The following CP variants were observed in gnomAD, a reference collection of about 807,000 sequenced individuals.
CP encodes the protein ceruloplasmin.
Under a neutral mutation model 122.4 loss-of-function variants are expected in CP, and 64 were observed. The observed-to-expected ratio is 0.52, with a 90% confidence interval of 0.43 to 0.64. The LOEUF is 0.64. CP is among the 30% of genes least tolerant of loss of function. The pLI, the probability that CP is intolerant of heterozygous loss-of-function variation, is 0.00. For synonymous variants in CP, 440 were observed against 436.4 expected, an observed-to-expected ratio of 1.01 and a Z score of -0.10; for missense variants, 1,167 against 1,284.4, an observed-to-expected ratio of 0.91 and a Z score of 1.40.
intron 1 of CP, among the ~76,000 whole-genome samples, chr3:149,215,567 T>C (rs1315078687): frequency 6.6e-6 from 1 of 152,262 alleles, no homozygotes; most frequent in Non-Finnish European, 1.5e-5. Flanking sequence ...GAAAATATTT[T>C]ACACTGTGTG....
At chr3:149,177,002 T>A (rs778516026) in intron 17 of CP, among the ~76,000 whole-genome samples, 1 of 152,190 alleles carries the variant, frequency 6.6e-6, no homozygotes, top group Non-Finnish European at 1.5e-5. Flanking sequence ...TGCAGTATGC[T>A]TTTTGATAAC....
intron 11 of CP, chr3:149,185,931 A>C: frequency 5.8e-6 from 1 of 173,210 alleles, no homozygotes; most frequent in Non-Finnish European, 1.2e-5. Flanking sequence ...AAGGAAGGAA[A>C]GCGTGACACT....
chr3:149,166,585 T>C (rs1724436667), intron 4 of CP, among the ~76,000 whole-genome samples: 1 of 152,250 alleles, frequency 6.6e-6, no homozygotes, highest in Non-Finnish European at 1.5e-5. Flanking sequence ...GATGGCTGTG[T>C]AATGTTCCAT....
chr3:149,182,747 A>G (rs1292069580), intron 13 of CP, among the ~76,000 whole-genome samples: 1 of 152,082 alleles, frequency 6.6e-6, no homozygotes, highest in African/African-American at 2.4e-5. Context: ...GTTGTAATTA[A>G]TTTCCTTTTG....
chr3:149,180,299 A>G (rs16861590), intron 14 of CP, among the ~76,000 whole-genome samples: 2,458 of 152,242 alleles, frequency 0.016, 64 homozygotes, highest in African/African-American at 0.056. Context: ...TCCCACATAC[A>G]GGACATAACC....
intron 15 of CP, among the ~76,000 whole-genome samples, chr3:149,179,163 T>C (rs1244937290): frequency 6.6e-6 from 1 of 152,078 alleles, no homozygotes; most frequent in Admixed American, 6.5e-5. Flanking sequence ...ACAGTAGAGG[T>C]CCTTGAAATT....
intron 18 of CP, among the ~76,000 whole-genome samples, chr3:149,174,439 A>G (rs530844315): frequency 2.2e-4 from 33 of 152,308 alleles, no homozygotes; most frequent in Admixed American, 9.8e-4. Context: ...GAGGGTGAGC[A>G]TGAGAGGGAG....
At position 149,184,738 on chromosome 3, in the gene CP, A is replaced by G. The variant is rs995942869; in HGVS notation, c.2285+501T>C. ...GACATGTTACTGGTAATTTTGTGCC[A>G]TATTTTCCTGTAAGTTCTTAGAGGA... On this transcript the variant is annotated intron_variant, in intron 12 of 18. Coordinates refer to ENST00000264613, the MANE Select transcript of CP (RefSeq NM_000096.4). 2.6e-5 allele frequency among the ~76,000 whole-genome samples: 4 copies of G among 152,216 alleles called. No individual in the cohort carries two copies. In the East Asian group the frequency reaches 5.8e-4, roughly 22 times the overall value.
At chr3:149,184,242 A>G (rs964368071) in intron 12 of CP, among the ~76,000 whole-genome samples, 9 of 151,596 alleles carry the variant, frequency 5.9e-5, no homozygotes, top group Non-Finnish European at 1.2e-4. Flanking sequence ...TCACCATGTT[A>G]GCCAGGATGG....
chr3:149,173,903 A>G lies in CP; in HGVS notation c.3182-173T>C, dbSNP rs1455385238. ...CTCATTCTATTGCTGCTTTATTTAAAGAAAGATTACTTTCTTCCCTACAAG... is the reference window on the plus strand; with the variant it reads ...CTCATTCTATTGCTGCTTTATTTAAGGAAAGATTACTTTCTTCCCTACAAG... On this transcript the variant is annotated intron_variant, in intron 18 of 18. Transcript: ENST00000264613. 2.6e-5 allele frequency among the ~76,000 whole-genome samples: 4 copies of G among 152,148 alleles called. No individual in the cohort carries two copies. In the East Asian group the frequency reaches 5.8e-4, roughly 22 times the overall value.
chr3:149,197,865 C>G (rs1727003218), intron 9 of CP, among the ~76,000 whole-genome samples: 1 of 152,202 alleles, frequency 6.6e-6, no homozygotes, highest in Non-Finnish European at 1.5e-5. Context: ...CTGCTCACTT[C>G]CTGCTGTGCA....
Position 149,182,039 on chromosome 3 carries a change from T to G in CP, c.2520A>C (p.Gln840His). 1 of 1,484,434 alleles carries G rather than the reference T, an allele frequency of 6.7e-7. No homozygotes were observed. Among genetic ancestry groups the G allele is most frequent in the Non-Finnish European group, 9.1e-7 (1 of 1,101,588 alleles). 92.0% of individuals were successfully genotyped at this position (1,484,434 alleles called of 1,614,324 possible). A position where few individuals can be genotyped will look rare whatever the true frequency, so the allele number is the denominator to read the frequency against. ...RPYSIHAHGV[Q>H]TESSTVTPTL... is the part of the protein sequence containing the mutation. ...TTGGAGTAACTGTAGAACTCTCTGT[T>G]TGTACCCCATGGGCATGTATTGAGT... The change falls in exon 14 of 19, where the codon CAA becomes CAC. Residue 840 changes from glutamine to histidine, a missense_variant. By Grantham distance (24) the Gln-to-His change is conservative. This residue lies in a region of CP where 525 missense variants were observed against 657.2 expected (regional missense o/e 0.80). Coordinates refer to ENST00000264613, the MANE Select transcript of CP (RefSeq NM_000096.4).
intron 4 of CP, among the ~76,000 whole-genome samples, chr3:149,207,940 T>C (rs537240447): frequency 6.6e-6 from 1 of 152,284 alleles, no homozygotes; most frequent in South Asian, 2.1e-4. Flanking sequence ...TATACATACA[T>C]ATAAACAAAA....
At chr3:149,201,158 C>A (rs867799958) in intron 7 of CP, among the ~76,000 whole-genome samples, 1 of 152,198 alleles carries the variant, frequency 6.6e-6, no homozygotes, top group Non-Finnish European at 1.5e-5. Context: ...GAGTCTCGCT[C>A]TGTCACCCAG....
intron 13 of CP, among the ~76,000 whole-genome samples, chr3:149,182,554 CA>C (rs1178938687): frequency 1.3e-5 from 2 of 152,046 alleles, no homozygotes; most frequent in African/African-American, 4.8e-5. Context: ...GGAATGCTGA[CA>C]GTATGGGAAC....
intron 4 of CP, chr3:149,167,356 T>G (rs1337702850): frequency 2.9e-5 from 23 of 793,432 alleles, no homozygotes; most frequent in Non-Finnish European, 4.9e-5. Context: ...CATAAGGCTG[T>G]GTGGGTCCAT....
intron 6 of CP, among the ~76,000 whole-genome samples, chr3:149,205,396 GC>G (rs1020878183): frequency 1.3e-5 from 2 of 149,312 alleles, no homozygotes; most frequent in African/African-American, 4.9e-5. Flanking sequence ...AGCTGGATAT[GC>G]AAAATAATTA....
downstream of CP, chr3:149,172,091 A>G (rs761374962): frequency 6.2e-7 from 1 of 1,612,800 alleles, no homozygotes; most frequent in Middle Eastern, 1.7e-4. Flanking sequence ...TCTTTTCTAC[A>G]CAGAAACATT....
intron 10 of CP, 106 bp downstream of exon 10, chr3:149,187,946 G>A (rs1726280579): frequency 2.4e-6 from 3 of 1,243,298 alleles, no homozygotes; most frequent in Admixed American, 3.5e-5. Flanking sequence ...ATCGTTTATT[G>A]AAAAAATAAT....
Sources: gnomAD v4.1 joint callset for allele counts (sites outside exome capture counted in the v4.1 genomes callset) on GRCh38, gnomAD v4.1.1 for gene constraint, gnomAD v4.1.1 regional missense constraint, MANE v1.5 for transcripts, NCBI Gene and HGNC (gene_info 2026-07-23, HGNC 2026-07-21) for gene names.